Variants in NLGN1 observed in about 807,000 individuals in gnomAD.
The protein encoded by NLGN1 is neuroligin-1.
A neutral mutation model predicts 65.5 loss-of-function variants in NLGN1; 12 were observed. The ratio of observed to expected loss-of-function variants is 0.18; its 90% CI spans 0.12 to 0.30. NLGN1 has a LOEUF of 0.30. Among genes scored for constraint, NLGN1 ranks in the 10% least tolerant of loss-of-function variants. NLGN1 has a pLI of 1.00. For synonymous variants in NLGN1, 350 were observed against 359.5 expected (o/e 0.97, Z 0.30); for missense variants, 750 against 1,007.1 (o/e 0.74, Z 3.46).
At chr3:173,579,237 G>A (rs556043108) in intron 2 of NLGN1, among the ~76,000 whole-genome samples, 1 of 152,332 alleles carries the variant, frequency 6.6e-6, no homozygotes, top group East Asian at 1.9e-4. Flanking sequence ...TCCCAGCACA[G>A]CCAAGGTGGG....
intron 2 of NLGN1, among the ~76,000 whole-genome samples, chr3:173,563,653 A>G (rs1743148555): frequency 6.6e-6 from 1 of 152,206 alleles, no homozygotes; most frequent in Admixed American, 6.5e-5. Flanking sequence ...CAACAAAGCC[A>G]CAGACCTTAG....
chr3:174,186,876 A>G (rs993303042), intron 4 of NLGN1, among the ~76,000 whole-genome samples: 1 of 151,966 alleles, frequency 6.6e-6, no homozygotes, highest in African/African-American at 2.4e-5. Context: ...AATAGATAAA[A>G]AGTAGCAATT....
intron 4 of NLGN1, among the ~76,000 whole-genome samples, chr3:174,261,136 T>A (rs1330229734): frequency 6.6e-6 from 1 of 152,168 alleles, no homozygotes; most frequent in Admixed American, 6.5e-5. Context: ...CCAGCTTTGT[T>A]CTTTTGGCTT....
chr3:173,694,304 CATT>C (rs773024894), intron 3 of NLGN1, among the ~76,000 whole-genome samples: 4 of 152,126 alleles, frequency 2.6e-5, no homozygotes, highest in Non-Finnish European at 5.9e-5. Context: ...ACAAATAAAA[CATT>C]ATGTAATGTA....
chr3:173,604,976 G>C, exon 3 of NLGN1: 1 of 1,613,660 alleles, frequency 6.2e-7, no homozygotes, highest in Admixed American at 1.7e-5. Context: ...ATGGCAGATT[G>C]CCAGAAGTCA....
intron 4 of NLGN1, among the ~76,000 whole-genome samples, chr3:173,997,879 C>A (rs1722577047): frequency 6.6e-6 from 1 of 151,966 alleles, no homozygotes; most frequent in Admixed American, 6.6e-5. Flanking sequence ...GTATCTAGAA[C>A]CAATACATCA....
At chr3:173,396,657 T>A (rs551135069), upstream of NLGN1, 10 of 152,348 alleles carry the variant, frequency 6.6e-5, no homozygotes, top group Middle Eastern at 6.8e-3. Context: ...GAAGTATTTA[T>A]GGTTGCAGAT....
chr3:173,884,931 C>T (rs1037772660), intron 4 of NLGN1, among the ~76,000 whole-genome samples: 1 of 152,044 alleles, frequency 6.6e-6, no homozygotes, highest in African/African-American at 2.4e-5. Context: ...CCTCACATGG[C>T]CACAGAGAGG....
chr3:173,808,168 T>C (rs1290541164), intron 4 of NLGN1, among the ~76,000 whole-genome samples: 1 of 152,140 alleles, frequency 6.6e-6, no homozygotes, highest in Admixed American at 6.6e-5. Context: ...TAAGTTTCCC[T>C]GAGGTTTGGC....
intron 3 of NLGN1, among the ~76,000 whole-genome samples, chr3:173,765,755 G>T (rs2150232731): frequency 6.6e-6 from 1 of 152,238 alleles, no homozygotes; most frequent in East Asian, 1.9e-4. Context: ...AAAGGAAATT[G>T]TTTCTCACAC....
chr3:173,659,404 C>T (rs542493267), intron 3 of NLGN1, among the ~76,000 whole-genome samples: 1 of 152,000 alleles, frequency 6.6e-6, no homozygotes, highest in East Asian at 1.9e-4. Flanking sequence ...GCTGAAGTGT[C>T]CAACTCTTTG....
chr3:174,220,033 T>C (rs1204666333), intron 4 of NLGN1, among the ~76,000 whole-genome samples: 1 of 152,008 alleles, frequency 6.6e-6, no homozygotes, highest in African/African-American at 2.4e-5. Context: ...AGGGAGGCAA[T>C]GTAAGGCTCT....
chr3:173,944,334 A>G (rs1175995428), intron 4 of NLGN1, among the ~76,000 whole-genome samples: 1 of 152,302 alleles, frequency 6.6e-6, no homozygotes, highest in East Asian at 1.9e-4. Flanking sequence ...CCATATTAAA[A>G]AAGGAGAGAA....
chr3:173,532,876 C>T (rs1736825451), intron 2 of NLGN1, among the ~76,000 whole-genome samples: 1 of 152,210 alleles, frequency 6.6e-6, no homozygotes, highest in Non-Finnish European at 1.5e-5. Flanking sequence ...TCGATATCTC[C>T]TTACTCCTGA....
At chr3:173,669,585 T>C (rs1325172882) in intron 3 of NLGN1, among the ~76,000 whole-genome samples, 2 of 152,176 alleles carry the variant, frequency 1.3e-5, no homozygotes, top group African/African-American at 4.8e-5. Context: ...GTCCTCATCT[T>C]AATTCAACTA....
At chr3:173,547,816 TA>T (rs2149254046) in intron 2 of NLGN1, among the ~76,000 whole-genome samples, 1 of 152,192 alleles carries the variant, frequency 6.6e-6, no homozygotes, top group South Asian at 2.1e-4. Flanking sequence ...GTGGTCTGAT[TA>T]CAATTCTGGG....
chr3:173,881,501 T>C (rs538806845), intron 4 of NLGN1, among the ~76,000 whole-genome samples: 2 of 142,946 alleles, frequency 1.4e-5, no homozygotes, highest in South Asian at 2.3e-4. Flanking sequence ...CTCGGCTCAC[T>C]GCAAGCTCTA....
intron 4 of NLGN1, among the ~76,000 whole-genome samples, chr3:174,126,323 A>G (rs1295411427): frequency 6.6e-6 from 1 of 152,126 alleles, no homozygotes; most frequent in African/African-American, 2.4e-5. Flanking sequence ...CAAGCACCAG[A>G]CCATAGTGTA....
chr3:173,654,307 G>C (rs1012412026), intron 3 of NLGN1, among the ~76,000 whole-genome samples: 4 of 151,992 alleles, frequency 2.6e-5, no homozygotes, highest in Non-Finnish European at 4.4e-5. Flanking sequence ...ATTTAAATAA[G>C]CATTTTACCT....
Sources: gnomAD v4.1 joint callset for allele counts (sites outside exome capture counted in the v4.1 genomes callset) on GRCh38, gnomAD v4.1.1 for gene constraint, MANE v1.5 for transcripts, NCBI Gene and HGNC (gene_info 2026-07-23, HGNC 2026-07-21) for gene names.